KIF1A: variants seen among roughly 807,000 people sequenced by gnomAD.
KIF1A encodes kinesin-like protein KIF1A.
A neutral mutation model predicts 227.3 loss-of-function variants in KIF1A; 46 were observed. The observed-to-expected ratio is 0.20, with a 90% confidence interval of 0.16 to 0.26. The LOEUF is 0.26. KIF1A is among the 10% of genes least tolerant of loss of function. KIF1A has a pLI of 1.00. For synonymous variants in KIF1A, 1,022 were observed against 1,012.8 expected (o/e 1.01, Z -0.17); for missense variants, 1,683 against 2,485.9 (o/e 0.68, Z 6.87).
chr2:240,739,576 G>A lies in KIF1A; in HGVS notation c.3901+482C>T, dbSNP rs1247937916. Reference sequence around the variant, plus strand: ...CCTGCCTGGTGTCCTTAGGAGAAAGGGCCACAGGAAGACACAGGACAGGAG... The same window carrying A: ...CCTGCCTGGTGTCCTTAGGAGAAAGAGCCACAGGAAGACACAGGACAGGAG... On this transcript the variant is annotated intron_variant, in intron 37 of 48. Coordinates refer to ENST00000498729, the MANE Select transcript of KIF1A (RefSeq NM_001244008.2). This position sits in a 1 kb window ranked among gnomAD's most constrained non-coding sequence, Gnocchi z 5.6. Among the ~76,000 whole-genome samples the A allele has an allele frequency of 2.6e-5, 4 of 152,166 alleles. No homozygotes were observed. The highest frequency in any genetic ancestry group is 7.2e-5 in the African/African-American group (3 of 41,432).
chr2:240,723,695 T>C (rs1026513450), intron 41 of KIF1A, 137 bp from the exon 42 acceptor site: 13 of 1,094,716 alleles, frequency 1.2e-5, no homozygotes, highest in Non-Finnish European at 1.7e-5. Flanking sequence ...TGGTCCACCC[T>C]GGGGCCCAAA....
At chr2:240,742,656 G>C (rs556038246) in intron 34 of KIF1A, among the ~76,000 whole-genome samples, 2 of 152,064 alleles carry the variant, frequency 1.3e-5, no homozygotes, top group Non-Finnish European at 2.9e-5. Flanking sequence ...TGAGATGCCT[G>C]AAGTCCCCTC....
chr2:240,760,211 G>C (rs535015593), intron 25 of KIF1A, among the ~76,000 whole-genome samples: 2 of 152,106 alleles, frequency 1.3e-5, no homozygotes, highest in Non-Finnish European at 2.9e-5. Flanking sequence ...TCCACCTCCC[G>C]GCAGCTTCCT....
chr2:240,719,343 C>G (rs1002035301), intron 46 of KIF1A, 145 bp from the exon 47 acceptor site: 1 of 860,876 alleles, frequency 1.2e-6, no homozygotes, highest in African/African-American at 1.7e-5. Context: ...CGAAGGGCAC[C>G]TGGCAGAACC....
intron 20 of KIF1A, 117 bp from the exon 21 acceptor site, chr2:240,763,463 G>T: frequency 1.0e-6 from 1 of 958,756 alleles, no homozygotes; most frequent in Non-Finnish European, 1.5e-6. Context: ...ACCATCCCCA[G>T]CTCCCAGCCA....
chr2:240,738,501 T>C (rs1178822056), intron 37 of KIF1A, among the ~76,000 whole-genome samples: 2 of 151,984 alleles, frequency 1.3e-5, no homozygotes, highest in African/African-American at 4.8e-5. Flanking sequence ...TGAGATTGGG[T>C]CCCAGGTGAG....
At chr2:240,787,230 A>G (rs369397162) in intron 5 of KIF1A, 21 bp downstream of exon 5, 2 of 1,604,756 alleles carry the variant, frequency 1.2e-6, no homozygotes, top group African/African-American at 1.3e-5. Flanking sequence ...CCAGCGGCCA[A>G]CGGCAGGCGG....
Position 240,736,963 on chromosome 2 carries a change from C to T in KIF1A, c.4007+100G>A, listed in dbSNP as rs148766525. ...GAGGGAGGGCCGGGAGAGCGTTGAG[C>T]GGGTCACCTTGTGTGGCTGAACCCT... On this transcript the variant is annotated intron_variant, in intron 38 of 48. Coordinates refer to ENST00000498729, the MANE Select transcript of KIF1A (RefSeq NM_001244008.2). The surrounding 1 kb of genome is among the most constrained non-coding windows in gnomAD (Gnocchi z 4.7). 1,942 of 952,474 alleles carry T rather than the reference C, an allele frequency of 2.0e-3. 6 individuals carry two copies. The highest frequency in any genetic ancestry group is 2.8e-3 in the Non-Finnish European group (1,663 of 591,986). The allele number at this position is 952,474 out of a possible 1,614,324, so 59.0% of individuals were successfully genotyped here.
In KIF1A at chr2:240,767,381, G is replaced by A. The variant is rs201640988; in HGVS notation, c.1498-36C>T. On this transcript the variant is annotated intron_variant, in intron 17 of 48. Transcript: ENST00000498729. Reference sequence around the variant, plus strand: ...ACAGGAGGATCATCTCTCTTGCAGAGGGGCAGGAGCCTGATGCTGGCCACA... The same window carrying A: ...ACAGGAGGATCATCTCTCTTGCAGAAGGGCAGGAGCCTGATGCTGGCCACA... The A allele has an allele frequency of 3.1e-4, 482 of 1,557,500 alleles. 3 individuals carry two copies. The African/African-American group carries it at 3.8e-3, about 12-fold the overall frequency.
intron 14 of KIF1A, 140 bp downstream of exon 14, chr2:240,772,430 G>A (rs1344389596): frequency 1.4e-6 from 1 of 699,748 alleles, no homozygotes; most frequent in Admixed American, 2.4e-5. Flanking sequence ...AGGGAGAGCA[G>A]TGCTTTCTGC....
In KIF1A at chr2:240,741,372, C is replaced by A; in HGVS notation, c.3646G>T (p.Ala1216Ser). ...CGCGTCAGTGTGCTGAGCTTGGTGG[C>A]GGGCACTGTAGGGACAGGAGGGAGG... ...RVMPLSKPVP[A>S]TKLSTLTRPC... Residue 1216 changes from alanine to serine, a missense_variant, in exon 35 of 49, where the codon GCC becomes TCC. Transcript: ENST00000498729. 4 of 1,569,650 alleles carry A rather than the reference C, an allele frequency of 2.5e-6. No homozygotes were observed. The highest frequency in any genetic ancestry group is 1.2e-5 in the South Asian group (1 of 85,828).
In KIF1A at chr2:240,725,144, A is replaced by G. The variant is rs1394976806; in HGVS notation, c.4256+127T>C. The G allele has an allele frequency of 1.3e-5, 12 of 940,868 alleles. No homozygotes were observed. In the Admixed American group the frequency reaches 2.3e-4, roughly 18 times the overall value. 58.3% of individuals were successfully genotyped at this position (940,868 alleles called of 1,614,324 possible). ...GACTGAGCGCAGGGAGCCAGCCAGG[A>G]GTGTGGCTGGGCCTCGCACAGGGTG... On this transcript the variant is annotated intron_variant, in intron 40 of 48. Coordinates refer to ENST00000498729, the MANE Select transcript of KIF1A (RefSeq NM_001244008.2). The surrounding 1 kb of genome is among the most constrained non-coding windows in gnomAD (Gnocchi z 5.8).
At chr2:240,819,797 G>A (rs1057439695) in intron 1 of KIF1A, among the ~76,000 whole-genome samples, 1 of 152,082 alleles carries the variant, frequency 6.6e-6, no homozygotes, top group Non-Finnish European at 1.5e-5. Flanking sequence ...CCCGCCGGCC[G>A]GGCGAGCCCT....
At chr2:240,808,569 G>T (rs1056176485) in intron 1 of KIF1A, among the ~76,000 whole-genome samples, 1 of 151,942 alleles carries the variant, frequency 6.6e-6, no homozygotes, top group Non-Finnish European at 1.5e-5. Flanking sequence ...CTCCTTGGGA[G>T]GCTGAGGTAG....
At chr2:240,722,827 T>C (rs1464217665) in intron 42 of KIF1A, among the ~76,000 whole-genome samples, 171 bp from the exon 43 acceptor site, 2 of 152,134 alleles carry the variant, frequency 1.3e-5, no homozygotes, top group African/African-American at 4.8e-5. Flanking sequence ...GAACAGACCC[T>C]GGCGCCCCGG....
In KIF1A at chr2:240,713,841, G is replaced by A. The variant is rs2125535781; in HGVS notation, c.*3523C>T. Reference sequence around the variant, plus strand: ...TGCACGCACAGTACAGGAGCCTAGGGCTAACACTCGGGTGTAAGACATCGG... The same window carrying A: ...TGCACGCACAGTACAGGAGCCTAGGACTAACACTCGGGTGTAAGACATCGG... On this transcript the variant is annotated 3_prime_UTR_variant, in exon 49 of 49. Transcript: ENST00000498729. The A allele has an allele frequency of 6.5e-6, 1 of 153,056 alleles. No homozygotes were observed. Among genetic ancestry groups the A allele is most frequent in the African/African-American group, 2.4e-5 (1 of 41,602 alleles). The allele number at this position is 153,056 out of a possible 1,614,324, so 9.5% of individuals were successfully genotyped here. A position where few individuals can be genotyped will look rare whatever the true frequency, so the allele number is the denominator to read the frequency against.
In KIF1A at chr2:240,771,067, C is replaced by T. The variant is rs770282705; in HGVS notation, c.1245G>A (p.Ser415=). The T allele has an allele frequency of 4.8e-5, 78 of 1,613,414 alleles. No individual in the cohort carries two copies. The highest frequency in any genetic ancestry group is 3.7e-4 in the South Asian group (34 of 91,072). ...CCGCGCGGCTGGACAGGGCTGAGAGCGAGGATGAGGGGCTCATACCCACCA... is the reference window on the plus strand; with the variant it reads ...CCGCGCGGCTGGACAGGGCTGAGAGTGAGGATGAGGGGCTCATACCCACCA... ...NALVGMSPSS[S]LSALSSRAAS... The change falls in exon 15 of 49, where the codon TCG becomes TCA. Residue 415 remains serine (S), a synonymous_variant. Transcript: ENST00000498729.
At chr2:240,814,160 C>T (rs1325670712) in intron 1 of KIF1A, among the ~76,000 whole-genome samples, 2 of 151,978 alleles carry the variant, frequency 1.3e-5, no homozygotes, top group African/African-American at 4.8e-5. Flanking sequence ...AAATTACGAA[C>T]AAATAGAAGT....
intron 11 of KIF1A, among the ~76,000 whole-genome samples, chr2:240,774,610 A>T (rs1217444492): frequency 6.6e-6 from 1 of 152,124 alleles, no homozygotes; most frequent in Non-Finnish European, 1.5e-5. Context: ...AATAAATACC[A>T]TTTATGTTCA....
Sources: allele counts gnomAD v4.1 joint callset (sites outside exome capture counted in the v4.1 genomes callset), GRCh38; gene constraint gnomAD v4.1.1; non-coding constraint Gnocchi (gnomAD v3.1); transcripts MANE v1.5; gene names NCBI Gene and HGNC (gene_info 2026-07-23, HGNC 2026-07-21).